PRKCE: variants seen among roughly 807,000 people sequenced by gnomAD.
The protein encoded by PRKCE is protein kinase C epsilon type.
Under a neutral mutation model 85.4 loss-of-function variants are expected in PRKCE, and 16 were observed. That is an observed-to-expected ratio of 0.19 (90% CI 0.13 to 0.28). The LOEUF (loss-of-function observed/expected upper bound fraction) is 0.28. Among genes scored for constraint, PRKCE ranks in the 10% least tolerant of loss-of-function variants. The pLI is 1.00. For synonymous variants in PRKCE, 388 were observed against 371.5 expected (o/e 1.04, Z -0.51); for missense variants, 573 against 975.2 (o/e 0.59, Z 5.49).
At chr2:45,959,552 C>A (rs1701240579) in intron 2 of PRKCE, among the ~76,000 whole-genome samples, 1 of 152,172 alleles carries the variant, frequency 6.6e-6, no homozygotes, top group South Asian at 2.1e-4. Context: ...GAGGAGGGGA[C>A]TGACCTGGAG....
chr2:45,696,471 T>G (rs953606667), intron 1 of PRKCE, among the ~76,000 whole-genome samples: 1 of 152,012 alleles, frequency 6.6e-6, no homozygotes, highest in African/African-American at 2.4e-5. Flanking sequence ...CCTGCTCACT[T>G]CGAGTTTCCC....
intron 1 of PRKCE, among the ~76,000 whole-genome samples, chr2:45,669,657 G>T (rs1440327755): frequency 6.6e-6 from 1 of 152,194 alleles, no homozygotes; most frequent in Non-Finnish European, 1.5e-5. Context: ...TACTCTGTTC[G>T]TAGAAATATA....
chr2:46,160,348 G>A (rs2104583018), intron 14 of PRKCE, among the ~76,000 whole-genome samples: 1 of 152,286 alleles, frequency 6.6e-6, no homozygotes, highest in East Asian at 1.9e-4. Flanking sequence ...CAGTTGGAGG[G>A]GGCATGTAAC....
At chr2:45,827,870 TTC>T (rs780931080) in intron 1 of PRKCE, among the ~76,000 whole-genome samples, 5 of 152,226 alleles carry the variant, frequency 3.3e-5, no homozygotes, top group East Asian at 1.9e-4. Context: ...ACCTAATAAA[TTC>T]TGTTTTACTT....
rs890631405 is a variant in PRKCE, at chr2:45,865,452, A to G, written c.412+22389A>G. 2.0e-5 allele frequency among the ~76,000 whole-genome samples: 3 copies of G among 152,210 alleles called. No individual in the cohort carries two copies. In the East Asian group the frequency reaches 5.8e-4, roughly 29 times the overall value. On this transcript the variant is annotated intron_variant, in intron 2 of 14. Coordinates refer to ENST00000306156, the MANE Select transcript of PRKCE (RefSeq NM_005400.3). ...TCTCTTAAGGTTGTGTGGCTGCTGGAAAGTCTGTCCTCTAAATAAATGGAG... is the reference window on the plus strand; with the variant it reads ...TCTCTTAAGGTTGTGTGGCTGCTGGGAAGTCTGTCCTCTAAATAAATGGAG...
At chr2:45,984,344 C>A (rs917673989) in intron 5 of PRKCE, among the ~76,000 whole-genome samples, 11 of 152,130 alleles carry the variant, frequency 7.2e-5, no homozygotes, top group African/African-American at 2.7e-4. Flanking sequence ...AATGGAGTAG[C>A]CAACAGTGAG....
At chr2:45,934,982 TCG>T (rs1699324379) in intron 2 of PRKCE, among the ~76,000 whole-genome samples, 1 of 150,804 alleles carries the variant, frequency 6.6e-6, no homozygotes, top group South Asian at 2.1e-4. Flanking sequence ...CATTGCTTGA[TCG>T]TGGGAGGTTG....
intron 1 of PRKCE, among the ~76,000 whole-genome samples, chr2:45,802,451 A>T (rs1385832638): frequency 6.6e-6 from 1 of 152,138 alleles, no homozygotes; most frequent in Non-Finnish European, 1.5e-5. Flanking sequence ...AGTATCTTAG[A>T]TAAGATGATC....
chr2:46,087,048 A>G (rs1377596846), intron 11 of PRKCE, among the ~76,000 whole-genome samples: 1 of 152,200 alleles, frequency 6.6e-6, no homozygotes, highest in Non-Finnish European at 1.5e-5. Flanking sequence ...GTAAATATTT[A>G]TAATTAGCCA....
At chr2:46,019,055 T>C (rs552612191) in intron 10 of PRKCE, among the ~76,000 whole-genome samples, 1 of 152,376 alleles carries the variant, frequency 6.6e-6, no homozygotes, top group East Asian at 1.9e-4. Flanking sequence ...AACATGTAAA[T>C]AACCTATTTG....
intron 1 of PRKCE, among the ~76,000 whole-genome samples, chr2:45,711,709 C>G (rs550564730): frequency 4.3e-4 from 65 of 152,238 alleles, no homozygotes; most frequent in Non-Finnish European, 7.8e-4. Context: ...CTCACTGCAA[C>G]CTCTGCCTCT....
intron 1 of PRKCE, among the ~76,000 whole-genome samples, chr2:45,756,203 A>G (rs181589955): frequency 6.6e-6 from 1 of 152,338 alleles, no homozygotes; most frequent in East Asian, 1.9e-4. Context: ...TGCTTATCAG[A>G]TGAAGATCCA....
chr2:45,937,481 GGC>G (rs1699548136), intron 2 of PRKCE, among the ~76,000 whole-genome samples: 1 of 152,250 alleles, frequency 6.6e-6, no homozygotes, highest in African/African-American at 2.4e-5. Context: ...GGGAGGCTCA[GGC>G]GCGCGGATCA....
chr2:45,926,110 C>A (rs1019776018), intron 2 of PRKCE, among the ~76,000 whole-genome samples: 2 of 152,174 alleles, frequency 1.3e-5, no homozygotes, highest in Non-Finnish European at 2.9e-5. Flanking sequence ...ATCTCACAGA[C>A]TTGTGAAGTA....
intron 2 of PRKCE, among the ~76,000 whole-genome samples, chr2:45,917,625 T>C (rs1573869566): frequency 6.6e-6 from 1 of 152,370 alleles, no homozygotes; most frequent in South Asian, 2.1e-4. Context: ...GATCCCGCAC[T>C]GGGGCTGCAG....
chr2:45,873,227 A>C (rs1344024179), intron 2 of PRKCE, among the ~76,000 whole-genome samples: 1 of 152,208 alleles, frequency 6.6e-6, no homozygotes, highest in African/African-American at 2.4e-5. Flanking sequence ...ACTGTCTGCC[A>C]CTGGTCAGTA....
chr2:45,657,280 G>C (rs1208318460), intron 1 of PRKCE, among the ~76,000 whole-genome samples: 1 of 151,978 alleles, frequency 6.6e-6, no homozygotes, highest in Non-Finnish European at 1.5e-5. Flanking sequence ...GCGAAGTCTG[G>C]AGTCACACTG....
At chr2:45,821,634 C>T (rs888680400) in intron 1 of PRKCE, among the ~76,000 whole-genome samples, 5 of 151,930 alleles carry the variant, frequency 3.3e-5, no homozygotes, top group Admixed American at 6.6e-5. Flanking sequence ...TGGCATGTGT[C>T]GGGGGACTTG....
At chr2:45,913,337 A>G (rs1443200690) in intron 2 of PRKCE, among the ~76,000 whole-genome samples, 1 of 152,114 alleles carries the variant, frequency 6.6e-6, no homozygotes, top group Non-Finnish European at 1.5e-5. Context: ...TTTTGTAGAG[A>G]CAAGGTTTTG....
Sources: allele counts gnomAD v4.1 joint callset (sites outside exome capture counted in the v4.1 genomes callset), GRCh38; gene constraint gnomAD v4.1.1; transcripts MANE v1.5; gene names NCBI Gene and HGNC (gene_info 2026-07-23, HGNC 2026-07-21).